The following BAHCC1 variants were observed in gnomAD, a reference collection of about 807,000 sequenced individuals.
BAHCC1 encodes the protein BAH domain and coiled-coil containing 1, also known as BAH and coiled-coil domain-containing protein 1.
Under a neutral mutation model 88.2 loss-of-function variants are expected in BAHCC1, and 43 were observed. That is an observed-to-expected ratio of 0.49 (90% confidence interval 0.38 to 0.63). The LOEUF is 0.63. Among genes scored for constraint, BAHCC1 ranks in the 20% least tolerant of loss-of-function variants. The probability of loss-of-function intolerance (pLI) is 0.00; values close to 1 mark genes in which losing one functional copy is unlikely to be tolerated. For synonymous variants in BAHCC1, 1,510 were observed against 745.5 expected (o/e 2.03, Z -16.71); for missense variants, 3,023 against 1,654.8 (o/e 1.83, Z -14.34).
In BAHCC1 at chr17:81,399,511, C is replaced by T. The variant is rs782037308; in HGVS notation, c.-206-23C>T. ...AGCCGAGCCCCCCAGTCACCCGTGT[C>T]TCCTCTGCTTTTGCCTCCACAGACC... On this transcript the variant is annotated intron_variant, in intron 1 of 27. Coordinates refer to ENST00000675386, the MANE Select transcript of BAHCC1 (RefSeq NM_001377448.1). The surrounding 1 kb of genome is among the most constrained non-coding windows in gnomAD (Gnocchi z 4.5). 3 of 329,974 alleles carry T rather than the reference C, an allele frequency of 9.1e-6. No homozygotes were observed. In the Admixed American group the frequency reaches 1.1e-4, roughly 12 times the overall value. The allele number at this position is 329,974 out of a possible 1,614,324, so 20.4% of individuals were successfully genotyped here.
Position 81,458,878 on chromosome 17 carries a change from C to A in BAHCC1, c.5514C>A (p.Asp1838Glu). The change falls in exon 20 of 28, where the codon GAC becomes GAA. Residue 1838 changes from aspartate (D) to glutamate (E), a missense_variant. Asp to Glu is a conservative substitution (Grantham distance 45). Coordinates refer to ENST00000675386, the MANE Select transcript of BAHCC1 (RefSeq NM_001377448.1). ...SFAVEEDFEF[D>E]DNSSFSEEEE... ...CCGTGGAGGAAGACTTTGAGTTCGA[C>A]GACAACAGCAGCTTCTCGGAAGAGG... 1 of 774,282 alleles carries A rather than the reference C, an allele frequency of 1.3e-6. No homozygotes were observed. Among genetic ancestry groups the A allele is most frequent in the South Asian group, 1.3e-5 (1 of 74,294 alleles). 48.0% of individuals were successfully genotyped at this position (774,282 alleles called of 1,614,324 possible). A position where few individuals can be genotyped will look rare whatever the true frequency, so the allele number is the denominator to read the frequency against.
intron 3 of BAHCC1, among the ~76,000 whole-genome samples, chr17:81,429,868 C>T (rs1489572672): frequency 6.6e-6 from 1 of 152,162 alleles, no homozygotes; most frequent in Non-Finnish European, 1.5e-5. Flanking sequence ...GGCCTCCTCT[C>T]TCCCCATCTG....
In BAHCC1 at chr17:81,423,808, A is replaced by AG. The variant is rs1422073983; in HGVS notation, c.179-2990dup. 1.2e-4 allele frequency among the ~76,000 whole-genome samples: 19 copies of AG among 152,240 alleles called. No individual in the cohort carries two copies. The East Asian group carries it at 3.3e-3, about 26-fold the overall frequency. On this transcript the variant is annotated intron_variant, in intron 2 of 27. Coordinates refer to ENST00000675386, the MANE Select transcript of BAHCC1 (RefSeq NM_001377448.1). Reference sequence around the variant, plus strand: ...GGCCTTGGCCACTGGACTTGGGCAGAGGTGGGCACAGCTGAGGGGCCACAG... The same window carrying AG: ...GGCCTTGGCCACTGGACTTGGGCAGAGGGTGGGCACAGCTGAGGGGCCACAG...
At chr17:81,445,743 G>T in intron 10 of BAHCC1, 62 bp downstream of exon 10, 4 of 691,696 alleles carry the variant, frequency 5.8e-6, no homozygotes, top group East Asian at 2.7e-5. Context: ...ACCCCTGCCC[G>T]GCAGGGCTGC....
rs563557335 is a variant in BAHCC1, at chr17:81,453,841, G to A, written c.4445+990G>A. ...GCCCTCACTCATCCAGGCAGTGGTG[G>A]CAGAGGCAGTTGGCCCCGGGACGGG... On this transcript the variant is annotated intron_variant, in intron 14 of 27. Transcript: ENST00000675386. Among the ~76,000 whole-genome samples, 78 of 152,390 alleles carry A rather than the reference G, an allele frequency of 5.1e-4. 1 individual carries two copies. In the South Asian group the frequency reaches 0.016, roughly 30 times the overall value.
In BAHCC1 at chr17:81,446,526, C is replaced by CTTTT. The variant is rs869297780; in HGVS notation, c.3164-475_3164-472dup. Among the ~76,000 whole-genome samples, 49 of 49,218 alleles carry CTTTT rather than the reference C, an allele frequency of 1.0e-3. 10 individuals are homozygous for CTTTT. The highest frequency in any genetic ancestry group is 1.3e-3 in the Non-Finnish European group (36 of 28,150). The allele number at this position is 49,218 out of a possible 152,430, so 32.3% of individuals were successfully genotyped here. A position where few individuals can be genotyped will look rare whatever the true frequency, so the allele number is the denominator to read the frequency against. The stretch of plus-strand genomic sequence containing the variant: ...GGGCCTGGCCTCAGGCTGCTCACAC[C>CTTTT]TTTTTTTTTTTTTTTTTTTTTTTTT... On this transcript the variant is annotated intron_variant, in intron 10 of 27. Transcript: ENST00000675386.
intron 11 of BAHCC1, among the ~76,000 whole-genome samples, chr17:81,448,550 G>A (rs561626591): frequency 6.6e-6 from 1 of 152,218 alleles, no homozygotes; most frequent in African/African-American, 2.4e-5. Context: ...AAGCCCCGGG[G>A]TGGAGGGCGT....
rs11656335 is a variant in BAHCC1, at chr17:81,418,809, A to G, written c.179-7991A>G. On this transcript the variant is annotated intron_variant, in intron 2 of 27. Coordinates refer to ENST00000675386, the MANE Select transcript of BAHCC1 (RefSeq NM_001377448.1). ...TGTACGTGTGTGCGTGTGTGTGTGT[A>G]CGTGTGTGTGTGTGTGTGTGTGTAG... Among the ~76,000 whole-genome samples the G allele has an allele frequency of 9.2e-3, 446 of 48,588 alleles. 4 individuals are homozygous for G. Among genetic ancestry groups the G allele is most frequent in the Middle Eastern group, 0.047 (4 of 86 alleles). The allele number at this position is 48,588 out of a possible 152,430, so 31.9% of individuals were successfully genotyped here.
Position 81,461,996 on chromosome 17 carries a change from G to A in BAHCC1, c.7333G>A (p.Ala2445Thr), listed in dbSNP as rs1037447092. ...CGTGGAAAACCGGCCAAAGATCTCA[G>A]CCTTCCTGCCCGCCCGGCAGCTCTG... Reference protein sequence around the residue: ...PSVENRPKISAFLPARQLWKW... With the variant: ...PSVENRPKISTFLPARQLWKW... Residue 2445 changes from alanine (A) to threonine (T), a missense_variant, in exon 26 of 28, where the codon GCC becomes ACC. By Grantham distance (58) the Ala-to-Thr change is moderately conservative. Transcript: ENST00000675386. The A allele has an allele frequency of 1.3e-6, 1 of 778,086 alleles. No homozygotes were observed. Among genetic ancestry groups the A allele is most frequent in the Non-Finnish European group, 2.4e-6 (1 of 417,378 alleles). 48.2% of individuals were successfully genotyped at this position (778,086 alleles called of 1,614,324 possible). A position where few individuals can be genotyped will look rare whatever the true frequency, so the allele number is the denominator to read the frequency against.
chr17:81,398,033 T>G (rs2063764607), intron 1 of BAHCC1, among the ~76,000 whole-genome samples: 1 of 152,208 alleles, frequency 6.6e-6, no homozygotes, highest in South Asian at 2.1e-4. Context: ...AAAAAGGTAT[T>G]CAGTAGATGG....
chr17:81,428,370 C>T (rs986821681), intron 3 of BAHCC1, among the ~76,000 whole-genome samples: 1 of 152,142 alleles, frequency 6.6e-6, no homozygotes, highest in Non-Finnish European at 1.5e-5. Flanking sequence ...ACCGGGGGAG[C>T]AGGAAGGGGA....
chr17:81,459,880 G>C (rs2030090203), intron 23 of BAHCC1, among the ~76,000 whole-genome samples: 1 of 152,140 alleles, frequency 6.6e-6, no homozygotes, highest in Non-Finnish European at 1.5e-5. Context: ...ACGTCAGGGG[G>C]CACCAGCTCC....
At chr17:81,407,751 GT>G (rs2063899023) in intron 2 of BAHCC1, among the ~76,000 whole-genome samples, 1 of 152,328 alleles carries the variant, frequency 6.6e-6, no homozygotes, top group Admixed American at 6.5e-5. Context: ...CTAGCCACAG[GT>G]TCACTGACCA....
intron 2 of BAHCC1, among the ~76,000 whole-genome samples, chr17:81,425,530 G>A (rs1227719828): frequency 8.6e-6 from 1 of 116,910 alleles, no homozygotes; most frequent in East Asian, 3.0e-4. Flanking sequence ...GGGTGATGTG[G>A]TTGGTGTGAT....
intron 27 of BAHCC1, 43 bp downstream of exon 27, chr17:81,463,019 C>T: frequency 1.3e-6 from 1 of 760,532 alleles, no homozygotes; most frequent in Non-Finnish European, 2.5e-6. Context: ...CCTCGGGGCC[C>T]CAGGGAGGGG....
intron 3 of BAHCC1, among the ~76,000 whole-genome samples, chr17:81,427,750 C>T (rs2064217139): frequency 6.6e-6 from 1 of 152,200 alleles, no homozygotes; most frequent in Admixed American, 6.5e-5. Context: ...GGCTGGCACG[C>T]AGAGAGGTAA....
At chr17:81,410,169 T>C in intron 2 of BAHCC1, 1 of 229,374 alleles carries the variant, frequency 4.4e-6, no homozygotes, top group Non-Finnish European at 9.5e-6. Flanking sequence ...CCTGTGGGGG[T>C]CCTAGGAGCC....
In BAHCC1 at chr17:81,461,455, G is replaced by T; in HGVS notation, c.6792G>T (p.Pro2264=). 1.4e-6 allele frequency: 1 copy of T among 740,078 alleles called. No individual in the cohort carries two copies. Among genetic ancestry groups the T allele is most frequent in the Non-Finnish European group, 2.5e-6 (1 of 399,096 alleles). 45.8% of individuals were successfully genotyped at this position (740,078 alleles called of 1,614,324 possible). A position where few individuals can be genotyped will look rare whatever the true frequency, so the allele number is the denominator to read the frequency against. Residue 2264 remains proline (P), a synonymous_variant, in exon 26 of 28, where the codon CCG becomes CCT. Transcript: ENST00000675386. ...KDKKGRAPIP[P]LPMGLALRKY... ...AGAAGGGGCGGGCACCCATCCCCCCGCTGCCCATGGGGCTGGCGCTGCGCA... is the reference window on the plus strand; with the variant it reads ...AGAAGGGGCGGGCACCCATCCCCCCTCTGCCCATGGGGCTGGCGCTGCGCA...
chr17:81,442,078 G>C lies in BAHCC1; in HGVS notation c.729G>C (p.Glu243Asp). ...AEGKERPAAEEDGGKERHKLV... is the reference protein window; with the variant it reads ...AEGKERPAAEDDGGKERHKLV... Reference sequence around the variant, plus strand: ...GCAAGGAGCGGCCAGCGGCAGAGGAGGACGGTGGCAAGGAGCGGCACAAGC... The same window carrying C: ...GCAAGGAGCGGCCAGCGGCAGAGGACGACGGTGGCAAGGAGCGGCACAAGC... The change falls in exon 5 of 28, where the codon GAG becomes GAC. Residue 243 changes from glutamate (E) to aspartate (D), a missense_variant. By Grantham distance (45) the Glu-to-Asp change is conservative. Transcript: ENST00000675386. 2.8e-6 allele frequency: 2 copies of C among 710,278 alleles called. No individual in the cohort carries two copies. The highest frequency in any genetic ancestry group is 3.0e-5 in the South Asian group (2 of 66,740). 44.0% of individuals were successfully genotyped at this position (710,278 alleles called of 1,614,324 possible).
Sources: gnomAD v4.1 joint callset for allele counts (sites outside exome capture counted in the v4.1 genomes callset) on GRCh38, gnomAD v4.1.1 for gene constraint, Gnocchi (gnomAD v3.1) non-coding constraint, MANE v1.5 for transcripts, NCBI Gene and HGNC (gene_info 2026-07-23, HGNC 2026-07-21) for gene names.